LIG1: variants seen among roughly 807,000 people sequenced by gnomAD.
LIG1 encodes the protein DNA ligase 1.
Under a neutral mutation model 115.7 loss-of-function variants are expected in LIG1, and 70 were observed. That is an observed-to-expected ratio of 0.60 (90% CI 0.50 to 0.74). The LOEUF (loss-of-function observed/expected upper bound fraction) is 0.74. Ranked by LOEUF, LIG1 falls within the 30% of genes least tolerant of loss-of-function variation. The pLI, the probability that LIG1 is intolerant of heterozygous loss-of-function variation, is 0.00. For synonymous variants in LIG1, 487 were observed against 495.3 expected (o/e 0.98, Z 0.22); for missense variants, 1,115 against 1,225.6 (o/e 0.91, Z 1.35).
In LIG1 at chr19:48,131,286, C is replaced by G. The variant is rs191019259; in HGVS notation, c.1726-115G>C. 4.3e-5 allele frequency: 32 copies of G among 749,804 alleles called. No individual in the cohort carries two copies. In the East Asian group the frequency reaches 8.0e-4, roughly 19 times the overall value. 46.4% of individuals were successfully genotyped at this position (749,804 alleles called of 1,614,324 possible). Reference sequence around the variant, plus strand: ...GGTTCTGGAAGCTCTGGAGGAGGAACTGGTGCAGAGACTTGAGCGAATCAT... The same window carrying G: ...GGTTCTGGAAGCTCTGGAGGAGGAAGTGGTGCAGAGACTTGAGCGAATCAT... On this transcript the variant is annotated intron_variant, in intron 18 of 27. Transcript: ENST00000263274.
At position 48,154,161 on chromosome 19, in the gene LIG1, G is replaced by A; in HGVS notation, c.371-194C>T. 3 of 624,494 alleles carry A rather than the reference G, an allele frequency of 4.8e-6. No homozygotes were observed. In the South Asian group the frequency reaches 5.0e-5, roughly 10 times the overall value. The allele number at this position is 624,494 out of a possible 1,614,324, so 38.7% of individuals were successfully genotyped here. ...CTTCCTGGCTGTGTGACCTTGGGCA[G>A]GTTACTTAATTTCTCTGTGCTTTGC... is the stretch of plus-strand genomic sequence containing the variant. On this transcript the variant is annotated intron_variant, in intron 5 of 27. Transcript: ENST00000263274.
chr19:48,115,761 C>A (rs773912813), intron 27 of LIG1, 29 bp from the exon 28 acceptor site: 2 of 1,598,670 alleles, frequency 1.3e-6, no homozygotes, highest in Non-Finnish European at 1.7e-6. Flanking sequence ...ACGGGGTGGT[C>A]AGAAGCTCCC....
At position 48,170,339 on chromosome 19, in the gene LIG1, A is replaced by T. The variant is rs1341410760; in HGVS notation, c.-156T>A. 6.8e-6 allele frequency: 3 copies of T among 438,538 alleles called. No homozygotes were observed. The highest frequency in any genetic ancestry group is 1.6e-4 in the East Asian group (2 of 12,882). 27.2% of individuals were successfully genotyped at this position (438,538 alleles called of 1,614,324 possible). On this transcript the variant is annotated 5_prime_UTR_variant, in exon 1 of 28. Transcript: ENST00000263274. ...TTCGCGCCACGGCATTCGCGCGCAG[A>T]CGTCTGCGGGCGGGGGCGGGGCAGA... is the stretch of plus-strand genomic sequence containing the variant.
chr19:48,127,511 C>A, intron 20 of LIG1, 163 bp from the exon 21 acceptor site: 1 of 665,548 alleles, frequency 1.5e-6, no homozygotes, highest in East Asian at 2.6e-5. Flanking sequence ...GGATCGTTAA[C>A]GGCTCTCAGC....
chr19:48,147,564 TTGAGA>T lies in LIG1; in HGVS notation c.776+2194_776+2198del, dbSNP rs750032122. Reference sequence around the variant, plus strand: ...GGTACATGCCTGTAGTTCCAGCTACTTGAGAGGCTGAGGTGGGAGGATCCCGAGCC... The same window carrying T: ...GGTACATGCCTGTAGTTCCAGCTACTGGCTGAGGTGGGAGGATCCCGAGCC... On this transcript the variant is annotated intron_variant, in intron 9 of 27. Coordinates refer to ENST00000263274, the MANE Select transcript of LIG1 (RefSeq NM_000234.3). Among the ~76,000 whole-genome samples the T allele has an allele frequency of 8.3e-3, 1,257 of 151,564 alleles. 10 individuals are homozygous for T. Among genetic ancestry groups the T allele is most frequent in the Middle Eastern group, 0.017 (5 of 292 alleles).
intron 10 of LIG1, 80 bp downstream of exon 10, chr19:48,143,803 C>T (rs2034938802): frequency 7.6e-7 from 1 of 1,308,022 alleles, no homozygotes; most frequent in Non-Finnish European, 1.1e-6. Context: ...GACCATTTCT[C>T]CCAACCAAGA....
At chr19:48,129,298 G>A (rs1167524324) in intron 19 of LIG1, among the ~76,000 whole-genome samples, 5 of 152,166 alleles carry the variant, frequency 3.3e-5, no homozygotes, top group East Asian at 1.9e-4. Flanking sequence ...TGATTCACCC[G>A]CCTTGCCCTC....
intron 2 of LIG1, among the ~76,000 whole-genome samples, chr19:48,164,826 A>G (rs2036390350): frequency 6.6e-6 from 1 of 152,076 alleles, no homozygotes; most frequent in African/African-American, 2.4e-5. Context: ...CCTAGACACT[A>G]TTGACATGTT....
At chr19:48,135,650 T>A in intron 16 of LIG1, 30 bp downstream of exon 16, 43 of 1,434,634 alleles carry the variant, frequency 3.0e-5, no homozygotes, top group Non-Finnish European at 3.9e-5. Flanking sequence ...CCACAGCCCC[T>A]GGCAACTCCA....
In LIG1 at chr19:48,120,921, A is replaced by T. The variant is rs558564100; in HGVS notation, c.2385+249T>A. ...AAAAAATTCTTTTCTTATGTGAGCC[A>T]CCACTATTTGTAGCTAATCTCAATC... is the stretch of plus-strand genomic sequence containing the variant. On this transcript the variant is annotated intron_variant, in intron 24 of 27. Transcript: ENST00000263274. 3.0e-6 allele frequency: 4 copies of T among 1,333,418 alleles called. No homozygotes were observed. The East Asian group carries it at 9.4e-5, about 31-fold the overall frequency. 82.6% of individuals were successfully genotyped at this position (1,333,418 alleles called of 1,614,324 possible).
At position 48,161,414 on chromosome 19, in the gene LIG1, T is replaced by G; in HGVS notation, c.201A>C (p.Glu67Asp). The G allele has an allele frequency of 6.2e-7, 1 of 1,614,150 alleles. No individual in the cohort carries two copies. Among genetic ancestry groups the G allele is most frequent in the Non-Finnish European group, 8.5e-7 (1 of 1,180,034 alleles). Reference protein sequence around the residue: ...GRKAARVLGSEGEEEDEALSP... With the variant: ...GRKAARVLGSDGEEEDEALSP... ...TAAGGGCTTCATCCTCCTCTTCCCC[T>G]TCGCTGCCCAGGACCCGGGCCGCCT... The change falls in exon 4 of 28, where the codon GAA becomes GAC. Residue 67 changes from glutamate to aspartate, a missense_variant. Glu to Asp is a conservative substitution (Grantham distance 45). Transcript: ENST00000263274.
chr19:48,136,038 G>T lies in LIG1; in HGVS notation c.1419C>A (p.Gly473=), dbSNP rs1254605778. The T allele has an allele frequency of 6.4e-7, 1 of 1,562,296 alleles. No individual in the cohort carries two copies. The highest frequency in any genetic ancestry group is 1.2e-5 in the South Asian group (1 of 84,864). Residue 473 remains glycine (G), a synonymous_variant, in exon 15 of 28, where the codon GGC becomes GGA. Coordinates refer to ENST00000263274, the MANE Select transcript of LIG1 (RefSeq NM_000234.3). Reference sequence around the variant, plus strand: ...AGACGGGCCACAGGAGCTCACCTTGGCCCGGGGGCGTGAGGCTCACTGCCT... The same window carrying T: ...AGACGGGCCACAGGAGCTCACCTTGTCCCGGGGGCGTGAGGCTCACTGCCT... ...LSQAVSLTPP[G]QEFPPAMVDA... is the part of the protein sequence containing the mutation.
At chr19:48,125,944 T>C (rs890391764) in intron 21 of LIG1, among the ~76,000 whole-genome samples, 11 of 141,990 alleles carry the variant, frequency 7.7e-5, no homozygotes, top group African/African-American at 2.7e-4. Flanking sequence ...GCTGAGATCA[T>C]GCCACTGCAC....
chr19:48,133,599 C>T (rs2034182487), intron 17 of LIG1: 2 of 329,640 alleles, frequency 6.1e-6, no homozygotes, highest in South Asian at 2.7e-5. Flanking sequence ...TGCCTTCTGG[C>T]CCATTTTTAT....
At chr19:48,167,852 A>T (rs1391610614) in intron 1 of LIG1, among the ~76,000 whole-genome samples, 1 of 150,474 alleles carries the variant, frequency 6.6e-6, no homozygotes, top group Non-Finnish European at 1.5e-5. Flanking sequence ...AAAAAAAAAC[A>T]AACAAAAAAG....
intron 10 of LIG1, 36 bp downstream of exon 10, chr19:48,143,846 AC>A (rs1299476544): frequency 1.2e-5 from 18 of 1,551,730 alleles, no homozygotes; most frequent in Non-Finnish European, 1.5e-5. Flanking sequence ...GGCAACAGGG[AC>A]CGGAGGGGGA....
At chr19:48,120,921 A>C in intron 24 of LIG1, 5 of 1,333,418 alleles carry the variant, frequency 3.7e-6, no homozygotes, top group Middle Eastern at 2.8e-4. Flanking sequence ...TATGTGAGCC[A>C]CCACTATTTG....
intron 18 of LIG1, 126 bp downstream of exon 18, chr19:48,132,854 CAG>C (rs2034128231): frequency 2.7e-6 from 2 of 743,072 alleles, no homozygotes; most frequent in East Asian, 2.7e-5. Flanking sequence ...TGCTGAAGCC[CAG>C]AGAGATGAGC....
chr19:48,136,895 T>C, intron 14 of LIG1, 113 bp downstream of exon 14: 1 of 875,602 alleles, frequency 1.1e-6, no homozygotes, highest in Non-Finnish European at 1.9e-6. Flanking sequence ...CTCATGCTTT[T>C]CTCATCCAAG....
Sources: allele counts gnomAD v4.1 joint callset (sites outside exome capture counted in the v4.1 genomes callset), GRCh38; gene constraint gnomAD v4.1.1; transcripts MANE v1.5; gene names NCBI Gene and HGNC (gene_info 2026-07-23, HGNC 2026-07-21).